ADGRL1: variants seen among roughly 807,000 people sequenced by gnomAD.
The protein encoded by ADGRL1 is adhesion G protein-coupled receptor L1.
In ADGRL1, 31 loss-of-function variants were observed where a neutral mutation model predicts 148.9. The observed-to-expected ratio is 0.21, with a 90% confidence interval of 0.16 to 0.28. The LOEUF (loss-of-function observed/expected upper bound fraction) is 0.28. Among genes scored for constraint, ADGRL1 ranks in the 10% least tolerant of loss-of-function variants. The probability of loss-of-function intolerance (pLI) is 1.00; values close to 1 mark genes in which losing one functional copy is unlikely to be tolerated. For missense variants in ADGRL1, 1,521 were observed against 2,058.8 expected (o/e 0.74, Z 5.05); for synonymous variants, 937 against 900.3 (o/e 1.04, Z -0.73).
intron 1 of ADGRL1, among the ~76,000 whole-genome samples, chr19:14,200,442 G>A (rs181103685): frequency 5.3e-4 from 80 of 152,300 alleles, no homozygotes; most frequent in African/African-American, 1.9e-3. Context: ...TCAGGCCCCC[G>A]CCTGCCTTTG....
rs1465092871 is a variant in ADGRL1 at position 14,155,461 on chromosome 19, G to A, written c.3192C>T (p.Leu1064=). The A allele has an allele frequency of 8.7e-6, 14 of 1,614,028 alleles. No individual in the cohort carries two copies. The Middle Eastern group carries it at 4.9e-4, about 57-fold the overall frequency. ...LLGLTWAFGL[L]FINKESVVMA... ...TGACCACCGACTCCTTGTTGATGAA[G>A]AGGAGGCCGAAAGCCCAGGTGAGGC... Residue 1064 remains leucine (L), a synonymous_variant, in exon 18 of 23, where the codon CTC becomes CTT. Coordinates refer to ENST00000361434, the MANE Select transcript of ADGRL1 (RefSeq NM_014921.5). The surrounding 1 kb of genome is among the most constrained non-coding windows in gnomAD (Gnocchi z 5.0).
intron 2 of ADGRL1, among the ~76,000 whole-genome samples, chr19:14,178,331 C>T (rs576715934): frequency 3.6e-4 from 55 of 151,288 alleles, no homozygotes; most frequent in African/African-American, 1.3e-3. Context: ...ATAGTGAAAC[C>T]CTGTCTCTAC....
chr19:14,191,718 C>G (rs906484619), intron 1 of ADGRL1, among the ~76,000 whole-genome samples: 1 of 148,298 alleles, frequency 6.7e-6, no homozygotes, highest in African/African-American at 2.5e-5. Flanking sequence ...TTTTCTGAGA[C>G]AAGGTCTGGC....
chr19:14,158,134 G>T (rs772492940), intron 12 of ADGRL1, 82 bp from the exon 13 acceptor site: 13 of 1,453,688 alleles, frequency 8.9e-6, no homozygotes, highest in Non-Finnish European at 1.1e-5. Flanking sequence ...CTGGCAACAG[G>T]GATGGTACCA....
At position 14,159,712 on chromosome 19, in the gene ADGRL1, C is replaced by T; in HGVS notation, c.1839+23G>A. On this transcript the variant is annotated intron_variant, in intron 9 of 22. Coordinates refer to ENST00000361434, the MANE Select transcript of ADGRL1 (RefSeq NM_014921.5). The surrounding 1 kb of genome is among the most constrained non-coding windows in gnomAD (Gnocchi z 6.0). ...CATCAGCTGGAGCCCACGGTCCTTA[C>T]ACTGGGACCCCCTGGGTCTCACCTT... 1 of 1,612,376 alleles carries T rather than the reference C, an allele frequency of 6.2e-7. No homozygotes were observed. The highest frequency in any genetic ancestry group is 8.5e-7 in the Non-Finnish European group (1 of 1,178,520).
intron 4 of ADGRL1, chr19:14,169,724 G>C (rs1255255286): frequency 6.6e-6 from 1 of 152,136 alleles, no homozygotes; most frequent in East Asian, 1.9e-4. Flanking sequence ...CAGACACCCT[G>C]ATGGCCCTGC....
chr19:14,187,625 C>T (rs1479241891), intron 1 of ADGRL1, among the ~76,000 whole-genome samples: 2 of 147,700 alleles, frequency 1.4e-5, no homozygotes, highest in South Asian at 2.2e-4. Flanking sequence ...TGACTAGACA[C>T]GGCCAGTGTC....
chr19:14,202,943 C>G (rs1266316332), intron 1 of ADGRL1, among the ~76,000 whole-genome samples: 3 of 152,172 alleles, frequency 2.0e-5, no homozygotes, highest in African/African-American at 7.2e-5. Context: ...AGGCAGAGGA[C>G]ACCTATGCAC....
Position 14,152,045 on chromosome 19 carries a change from TCTC to T in ADGRL1, c.3667+85_3667+87del, listed in dbSNP as rs1231905241. 1.1e-5 allele frequency: 14 copies of T among 1,265,166 alleles called. No homozygotes were observed. The Admixed American group carries it at 1.7e-4, about 15-fold the overall frequency. The allele number at this position is 1,265,166 out of a possible 1,614,324, so 78.4% of individuals were successfully genotyped here. ...GTGGGCATGGGGAGGCATCCCGAGT[TCTC>T]CTCCTTAAGTGAGGCCGTCTGAGAA... is the stretch of plus-strand genomic sequence containing the variant. On this transcript the variant is annotated intron_variant, in intron 22 of 22. Transcript: ENST00000361434. This position sits in a 1 kb window ranked among gnomAD's most constrained non-coding sequence, Gnocchi z 6.1.
Position 14,160,669 on chromosome 19 carries a change from G to C in ADGRL1, c.1538C>G (p.Ala513Gly), listed in dbSNP as rs1358436815. 1.9e-6 allele frequency: 3 copies of C among 1,612,704 alleles called. No individual in the cohort carries two copies. The highest frequency in any genetic ancestry group is 1.7e-6 in the Non-Finnish European group (2 of 1,179,498). Residue 513 changes from alanine to glycine, a missense_variant, in exon 7 of 23, where the codon GCC (alanine) becomes GGC (glycine). By Grantham distance (60) the Ala-to-Gly change is moderately conservative. Coordinates refer to ENST00000361434, the MANE Select transcript of ADGRL1 (RefSeq NM_014921.5). This position sits in a 1 kb window ranked among gnomAD's most constrained non-coding sequence, Gnocchi z 5.9. ...GCCCCGGGGGTTCCAGAGCCCCAAGGCTGGTAGACACTGGAAGGAGGCAAT... is the reference window on the plus strand; with the variant it reads ...GCCCCGGGGGTTCCAGAGCCCCAAGCCTGGTAGACACTGGAAGGAGGCAAT... ...RGIASFQCLP[A>G]LGLWNPRGPD...
At position 14,161,718 on chromosome 19, in the gene ADGRL1, T is replaced by C. The variant is rs1300152711; in HGVS notation, c.1196-92A>G. 2 of 920,846 alleles carry C rather than the reference T, an allele frequency of 2.2e-6. No individual in the cohort carries two copies. The highest frequency in any genetic ancestry group is 3.5e-5 in the African/African-American group (2 of 57,604). The allele number at this position is 920,846 out of a possible 1,614,324, so 57.0% of individuals were successfully genotyped here. ...GGGGTCCCAGGCCATCTTAGCATCT[T>C]CCTCATCTACTGAAGTGGAAACACG... On this transcript the variant is annotated intron_variant, in intron 5 of 22. Transcript: ENST00000361434. The surrounding 1 kb of genome is among the most constrained non-coding windows in gnomAD (Gnocchi z 4.4).
chr19:14,163,525 T>C (rs1157331729), intron 4 of ADGRL1, 119 bp from the exon 5 acceptor site: 1 of 757,990 alleles, frequency 1.3e-6, no homozygotes, highest in Non-Finnish European at 2.1e-6. Context: ...TTGGTCACGC[T>C]GCTGGTGGGG....
At chr19:14,198,811 G>A (rs1265983116) in intron 1 of ADGRL1, among the ~76,000 whole-genome samples, 1 of 152,104 alleles carries the variant, frequency 6.6e-6, no homozygotes, top group Non-Finnish European at 1.5e-5. Context: ...GTTGCAGCTG[G>A]GAAGCCCCCT....
Position 14,155,536 on chromosome 19 carries a change from G to C in ADGRL1, c.3126-9C>G. 6.2e-7 allele frequency: 1 copy of C among 1,612,912 alleles called. No individual in the cohort carries two copies. Among genetic ancestry groups the C allele is most frequent in the Non-Finnish European group, 8.5e-7 (1 of 1,179,720 alleles). On this transcript the variant is annotated splice_polypyrimidine_tract_variant and intron_variant, in intron 17 of 22. Transcript: ENST00000361434. This position sits in a 1 kb window ranked among gnomAD's most constrained non-coding sequence, Gnocchi z 5.0. ...CCCCCAGCGCCCAGGATCTGGGAGT[G>C]GGGCGACAGGGGAGTCAAAGTACCC...
intron 1 of ADGRL1, among the ~76,000 whole-genome samples, chr19:14,190,772 T>A (rs1971876875): frequency 6.6e-6 from 1 of 152,124 alleles, no homozygotes; most frequent in African/African-American, 2.4e-5. Flanking sequence ...TCCAGGTTCA[T>A]CCATTCCAGA....
intron 1 of ADGRL1, among the ~76,000 whole-genome samples, chr19:14,204,111 A>C (rs1008289603): frequency 2.0e-5 from 3 of 152,190 alleles, no homozygotes; most frequent in African/African-American, 7.2e-5. Flanking sequence ...TCATCTCTGT[A>C]ATTAATGGGC....
intron 1 of ADGRL1, among the ~76,000 whole-genome samples, chr19:14,188,931 G>T (rs943627761): frequency 6.6e-6 from 1 of 150,682 alleles, no homozygotes; most frequent in African/African-American, 2.4e-5. Flanking sequence ...CCACCACCAC[G>T]AGCAGACACG....
At chr19:14,203,341 C>T (rs2420431) in intron 1 of ADGRL1, among the ~76,000 whole-genome samples, 24,997 of 152,158 alleles carry the variant, frequency 0.16, 2,480 homozygotes, top group Non-Finnish European at 0.22. Context: ...AGGGCAAAGA[C>T]GATGCTCTGG....
intron 4 of ADGRL1, chr19:14,167,180 A>AC: frequency 1.4e-6 from 1 of 733,428 alleles, no homozygotes; most frequent in Non-Finnish European, 2.3e-6. Context: ...TGCTTCCCCA[A>AC]CCCCTTCCGT....
Sources: allele counts gnomAD v4.1 joint callset (sites outside exome capture counted in the v4.1 genomes callset), GRCh38; gene constraint gnomAD v4.1.1; non-coding constraint Gnocchi (gnomAD v3.1); transcripts MANE v1.5; gene names NCBI Gene and HGNC (gene_info 2026-07-23, HGNC 2026-07-21).